The following WWOX variants were observed in gnomAD, a reference collection of about 807,000 sequenced individuals.
The protein encoded by WWOX is WW domain-containing oxidoreductase.
A neutral mutation model predicts 46.2 loss-of-function variants in WWOX; 69 were observed. That is an observed-to-expected ratio of 1.49 (90% CI 1.23 to 1.82). The LOEUF (loss-of-function observed/expected upper bound fraction) is 1.82, where lower values mean the gene tolerates loss of function less well. WWOX is among the 40% of genes most tolerant of loss of function. The pLI, the probability that WWOX is intolerant of heterozygous loss-of-function variation, is 0.00. For missense variants in WWOX, 919 were observed against 542.6 expected (o/e 1.69, Z -6.89); for synonymous variants, 359 against 202.6 (o/e 1.77, Z -6.56).
chr16:79,026,887 C>A lies in WWOX; in HGVS notation c.1057-184721C>A, dbSNP rs1441283449. Among the ~76,000 whole-genome samples the A allele has an allele frequency of 2.6e-5, 4 of 151,100 alleles. No individual in the cohort carries two copies. In the East Asian group the frequency reaches 5.9e-4, roughly 22 times the overall value. ...CTTGTGATCTGCCCACCTCAGCCTC[C>A]CAAAGTGCTGGGATTACAGGTGTGA... On this transcript the variant is annotated intron_variant, in intron 8 of 8. Transcript: ENST00000566780.
At chr16:78,912,833 A>C (rs967479673) in intron 8 of WWOX, among the ~76,000 whole-genome samples, 49 of 151,986 alleles carry the variant, frequency 3.2e-4, no homozygotes, top group African/African-American at 1.1e-3. Flanking sequence ...TTCTCCCTCA[A>C]GAGGTCAGAC....
chr16:78,619,145 ATATATAT>A lies in WWOX; in HGVS notation c.1056+186394_1056+186400del, dbSNP rs2046110124. On this transcript the variant is annotated intron_variant, in intron 8 of 8. Coordinates refer to ENST00000566780, the MANE Select transcript of WWOX (RefSeq NM_016373.4). Reference sequence around the variant, plus strand: ...ACCCCATTTCTACTAAAAAAAAAATATATATATATATATATATATATATATATATATA... The same window carrying A: ...ACCCCATTTCTACTAAAAAAAAAATAATATATATATATATATATATATATA... Among the ~76,000 whole-genome samples, 4 of 3,258 alleles carry A rather than the reference ATATATAT, an allele frequency of 1.2e-3. 1 individual carries two copies. The highest frequency in any genetic ancestry group is 2.1e-3 in the Non-Finnish European group (4 of 1,862). The allele number at this position is 3,258 out of a possible 152,430, so 2.1% of individuals were successfully genotyped here. A position where few individuals can be genotyped will look rare whatever the true frequency, so the allele number is the denominator to read the frequency against.
intron 8 of WWOX, among the ~76,000 whole-genome samples, chr16:79,117,575 G>A (rs567507587): frequency 6.6e-5 from 10 of 152,318 alleles, no homozygotes; most frequent in African/African-American, 2.2e-4. Flanking sequence ...GCCAGGCATT[G>A]CCTTCTCCTC....
intron 8 of WWOX, among the ~76,000 whole-genome samples, chr16:79,133,651 G>A (rs11866026): frequency 0.28 from 43,217 of 152,050 alleles, 6,947 homozygotes; most frequent in African/African-American, 0.43. Flanking sequence ...TTATATTTCT[G>A]CTGTCCTTGC....
intron 8 of WWOX, among the ~76,000 whole-genome samples, chr16:79,074,784 A>G (rs2048623132): frequency 6.6e-6 from 1 of 152,314 alleles, no homozygotes; most frequent in East Asian, 1.9e-4. Context: ...AGTTATTTGC[A>G]AAATCAAATG....
intron 8 of WWOX, among the ~76,000 whole-genome samples, chr16:78,904,049 C>T (rs757211042): frequency 6.6e-6 from 1 of 152,052 alleles, no homozygotes; most frequent in African/African-American, 2.4e-5. Flanking sequence ...ATTAACGTGT[C>T]TGAAATTAGG....
chr16:78,373,647 A>G (rs1272663508), intron 5 of WWOX, among the ~76,000 whole-genome samples: 4 of 131,382 alleles, frequency 3.0e-5, no homozygotes, highest in Non-Finnish European at 7.0e-5. Context: ...TTTTTTTTTT[A>G]ATTCTAGTCT....
At chr16:78,130,018 T>G (rs964709079) in intron 4 of WWOX, 2 of 152,026 alleles carry the variant, frequency 1.3e-5, no homozygotes, top group African/African-American at 4.8e-5. Context: ...GATCTGATGG[T>G]TTTATAAGGG....
chr16:78,726,916 G>T (rs1427504439), intron 8 of WWOX, among the ~76,000 whole-genome samples: 1 of 152,156 alleles, frequency 6.6e-6, no homozygotes. Context: ...TCCGTGGGTG[G>T]CTCTAACCTG....
At chr16:78,944,229 A>C (rs1007408782) in intron 8 of WWOX, among the ~76,000 whole-genome samples, 1 of 152,090 alleles carries the variant, frequency 6.6e-6, no homozygotes. Flanking sequence ...CTCCCTTTCC[A>C]GATAAAAGTT....
intron 5 of WWOX, among the ~76,000 whole-genome samples, chr16:78,321,304 GTATATATATGCGTATATATATA>G (rs1567499030): frequency 1.3e-5 from 1 of 74,432 alleles, no homozygotes; most frequent in East Asian, 8.4e-4. Context: ...ATATATATAC[GTATATATATGCGTATATATATA>G]CGTATATATG....
chr16:78,929,244 T>C (rs1218755633), intron 8 of WWOX, among the ~76,000 whole-genome samples: 1 of 141,256 alleles, frequency 7.1e-6, no homozygotes, highest in Non-Finnish European at 1.5e-5. Flanking sequence ...TTTTATGTTA[T>C]CATACAGTGA....
intron 8 of WWOX, among the ~76,000 whole-genome samples, chr16:78,742,557 T>G (rs1283557200): frequency 1.3e-5 from 2 of 152,150 alleles, no homozygotes; most frequent in East Asian, 3.9e-4. Context: ...AAATGACAAA[T>G]CAGTTTCTAG....
intron 8 of WWOX, among the ~76,000 whole-genome samples, chr16:78,934,873 G>A (rs28453913): frequency 0.011 from 1,618 of 152,286 alleles, 34 homozygotes; most frequent in African/African-American, 0.036. Context: ...GCCAAGGCGG[G>A]TGCATCACTT....
intron 8 of WWOX, among the ~76,000 whole-genome samples, chr16:78,669,267 T>C (rs2047404883): frequency 6.6e-6 from 1 of 152,208 alleles, no homozygotes; most frequent in Non-Finnish European, 1.5e-5. Context: ...GTCCCAAGTG[T>C]CCCATGGCAG....
chr16:78,560,397 C>CT (rs949290723), intron 8 of WWOX, among the ~76,000 whole-genome samples: 43 of 152,292 alleles, frequency 2.8e-4, no homozygotes, highest in African/African-American at 1.0e-3. Flanking sequence ...AATCCCAGCA[C>CT]TTTGGGAGGC....
intron 8 of WWOX, among the ~76,000 whole-genome samples, chr16:78,609,087 C>A (rs2045835207): frequency 6.6e-6 from 1 of 152,120 alleles, no homozygotes; most frequent in African/African-American, 2.4e-5. Context: ...AAATACCTTT[C>A]TGTCCCACCA....
intron 8 of WWOX, among the ~76,000 whole-genome samples, chr16:79,116,199 A>C (rs913448898): frequency 2.0e-5 from 3 of 152,164 alleles, no homozygotes; most frequent in Non-Finnish European, 2.9e-5. Context: ...TGATGGATCA[A>C]GTTGGCGGTT....
At position 79,089,305 on chromosome 16, in the gene WWOX, C is replaced by T. The variant is rs549519318; in HGVS notation, c.1057-122303C>T. ...TGGCAAAGGTTTGATTATAAATTAG[C>T]GTCATCATGAACGTTCAAGGTGGGG... On this transcript the variant is annotated intron_variant, in intron 8 of 8. Coordinates refer to ENST00000566780, the MANE Select transcript of WWOX (RefSeq NM_016373.4). Among the ~76,000 whole-genome samples the T allele has an allele frequency of 2.7e-5, 4 of 149,488 alleles. No homozygotes were observed. In the East Asian group the frequency reaches 5.9e-4, roughly 22 times the overall value.
Sources: gnomAD v4.1 joint callset for allele counts (sites outside exome capture counted in the v4.1 genomes callset) on GRCh38, gnomAD v4.1.1 for gene constraint, MANE v1.5 for transcripts, NCBI Gene and HGNC (gene_info 2026-07-23, HGNC 2026-07-21) for gene names.